CBFA2T3: variants seen among roughly 807,000 people sequenced by gnomAD.
CBFA2T3 encodes CBFA2/RUNX1 partner transcriptional co-repressor 3.
A neutral mutation model predicts 58.6 loss-of-function variants in CBFA2T3; 31 were observed. The ratio of observed to expected loss-of-function variants is 0.53; its 90% CI spans 0.40 to 0.71. The LOEUF (loss-of-function observed/expected upper bound fraction) is 0.71. CBFA2T3 is among the 30% of genes least tolerant of loss of function. The probability of loss-of-function intolerance (pLI) is 0.00; values close to 1 mark genes in which losing one functional copy is unlikely to be tolerated. For synonymous variants in CBFA2T3, 531 were observed against 421.9 expected, an observed-to-expected ratio of 1.26 and a Z score of -3.17; for missense variants, 1,076 against 963.1, an observed-to-expected ratio of 1.12 and a Z score of -1.55.
intron 1 of CBFA2T3, among the ~76,000 whole-genome samples, chr16:88,972,688 G>T (rs771338536): frequency 6.6e-6 from 1 of 152,228 alleles, no homozygotes; most frequent in African/African-American, 2.4e-5. Context: ...AGGGTCAGCA[G>T]AGCCTGCTGT....
intron 1 of CBFA2T3, among the ~76,000 whole-genome samples, chr16:88,961,766 G>A (rs1432308172): frequency 3.4e-4 from 28 of 83,062 alleles, no homozygotes; most frequent in Admixed American, 2.3e-3. Context: ...GACACTCAGC[G>A]CTGGGCATTC....
chr16:88,960,368 G>C (rs1419896099), intron 1 of CBFA2T3, among the ~76,000 whole-genome samples: 1 of 152,242 alleles, frequency 6.6e-6, no homozygotes, highest in Non-Finnish European at 1.5e-5. Context: ...GAGGCTGTTT[G>C]AAGATAGCAG....
intron 2 of CBFA2T3, among the ~76,000 whole-genome samples, chr16:88,899,111 G>A (rs1199714655): frequency 7.4e-6 from 1 of 134,636 alleles, no homozygotes; most frequent in Non-Finnish European, 1.5e-5. Flanking sequence ...ACTCCAAGAT[G>A]AATTTGCGCC....
chr16:88,967,773 C>T (rs895054244), intron 1 of CBFA2T3, among the ~76,000 whole-genome samples: 1 of 152,192 alleles, frequency 6.6e-6, no homozygotes, highest in Non-Finnish European at 1.5e-5. Flanking sequence ...GGGGGCTCGT[C>T]GCGGCTCAGC....
rs377163386 is a variant in CBFA2T3 at position 88,885,076 on chromosome 16, G to C, written c.1087C>G (p.Arg363Gly). The change falls in exon 7 of 12, where the codon CGG becomes GGG. Residue 363 changes from arginine (R) to glycine (G), a missense_variant. Physicochemically the swap from Arg to Gly is moderately radical, Grantham distance 125 (BLOSUM62 -2). Transcript: ENST00000268679. This position sits in a 1 kb window ranked among gnomAD's most constrained non-coding sequence, Gnocchi z 5.3. ...FRDAYRHPDP[R>G]ELRERHRPLV... ...GGCCGATGGCGCTCTCGTAGCTCCC[G>C]GGGGTCTGGGTGGCGGTAGGCATCT... 40 of 1,601,074 alleles carry C rather than the reference G, an allele frequency of 2.5e-5. No homozygotes were observed. The highest frequency in any genetic ancestry group is 3.4e-5 in the Non-Finnish European group (40 of 1,177,426).
chr16:88,891,918 G>C lies in CBFA2T3; in HGVS notation c.675C>G (p.Asn225Lys). 6.2e-7 allele frequency: 1 copy of C among 1,613,442 alleles called. No individual in the cohort carries two copies. The highest frequency in any genetic ancestry group is 8.5e-7 in the Non-Finnish European group (1 of 1,179,862). ...GAATGACAAACGGCCGCAGAGGGAAGTTGGTGGCCTCCTGAAGCTTGGAAT... is the reference window on the plus strand; with the variant it reads ...GAATGACAAACGGCCGCAGAGGGAACTTGGTGGCCTCCTGAAGCTTGGAAT... ...EFHSKLQEAT[N>K]FPLRPFVIPF... Residue 225 changes from asparagine to lysine, a missense_variant, in exon 5 of 12, where the codon AAC becomes AAG. Asn to Lys is a moderately conservative substitution (Grantham distance 94). Transcript: ENST00000268679.
At chr16:88,968,908 T>C (rs911996010) in intron 1 of CBFA2T3, among the ~76,000 whole-genome samples, 4 of 152,082 alleles carry the variant, frequency 2.6e-5, no homozygotes, top group African/African-American at 9.7e-5. Context: ...CCATGGACCA[T>C]AACCCCTCTG....
intron 1 of CBFA2T3, among the ~76,000 whole-genome samples, chr16:88,916,035 C>T (rs1338052363): frequency 6.6e-6 from 1 of 151,874 alleles, no homozygotes; most frequent in Non-Finnish European, 1.5e-5. Flanking sequence ...TATATGTGTG[C>T]ACTCGTGTAC....
intron 11 of CBFA2T3, among the ~76,000 whole-genome samples, chr16:88,877,744 C>T (rs1388123877): frequency 1.3e-5 from 2 of 152,194 alleles, no homozygotes; most frequent in African/African-American, 2.4e-5. Context: ...GCTCTGCTCC[C>T]TTCCCGTAGG....
chr16:88,893,664 G>A (rs973783281), intron 3 of CBFA2T3, among the ~76,000 whole-genome samples: 3 of 152,226 alleles, frequency 2.0e-5, no homozygotes, highest in African/African-American at 4.8e-5. Context: ...CTGCAGGGCC[G>A]CCTGTTGGCC....
At position 88,892,299 on chromosome 16, in the gene CBFA2T3, C is replaced by G. The variant is rs761453089; in HGVS notation, c.566G>C (p.Ser189Thr). 7 of 1,612,702 alleles carry G rather than the reference C, an allele frequency of 4.3e-6. No individual in the cohort carries two copies. In the Admixed American group the frequency reaches 1.2e-4, roughly 27 times the overall value. Reference protein sequence around the residue: ...RFLTTLQQFGSDISPEIGERV... With the variant: ...RFLTTLQQFGTDISPEIGERV... Reference sequence around the variant, plus strand: ...CTCCCCAATCTCTGGGGAGATGTCGCTGCCAAACTGCTGCAGTGTGGTGAG... The same window carrying G: ...CTCCCCAATCTCTGGGGAGATGTCGGTGCCAAACTGCTGCAGTGTGGTGAG... Residue 189 changes from serine to threonine, a missense_variant, in exon 4 of 12, where the codon AGC becomes ACC. Coordinates refer to ENST00000268679, the MANE Select transcript of CBFA2T3 (RefSeq NM_005187.6).
At chr16:88,887,409 GCT>G (rs1047638960) in intron 5 of CBFA2T3, among the ~76,000 whole-genome samples, 6 of 152,126 alleles carry the variant, frequency 3.9e-5, no homozygotes, top group African/African-American at 1.4e-4. Flanking sequence ...CCGGCTGGTC[GCT>G]GTTAGGGCGG....
chr16:88,892,895 G>T (rs1039229943), intron 3 of CBFA2T3, among the ~76,000 whole-genome samples: 5 of 152,166 alleles, frequency 3.3e-5, no homozygotes, highest in Admixed American at 1.3e-4. Context: ...GACTTGCTCT[G>T]GGGCTGAAGT....
intron 1 of CBFA2T3, among the ~76,000 whole-genome samples, chr16:88,917,838 G>C (rs543871005): frequency 6.4e-4 from 97 of 152,356 alleles, no homozygotes; most frequent in African/African-American, 2.2e-3. Context: ...ACGAGAGTGT[G>C]GGTGTGGACG....
chr16:88,976,839 G>A lies in CBFA2T3; in HGVS notation c.-32C>T. ...GGCCACCCTCAGGGGCCAACCTGGA[G>A]CCCAGGACAGGCCTCTACCAGGACT... On this transcript the variant is annotated 5_prime_UTR_variant, in exon 1 of 12. Transcript: ENST00000268679. 1.3e-6 allele frequency: 2 copies of A among 1,535,566 alleles called. No individual in the cohort carries two copies. Among genetic ancestry groups the A allele is most frequent in the Non-Finnish European group, 1.8e-6 (2 of 1,134,854 alleles).
chr16:88,954,379 CACCCAAGACTCCTGACCCT>C lies in CBFA2T3; in HGVS notation c.151+22259_151+22277del, dbSNP rs1175048015. ...TGACCTCACCCAAGGCTCCTGACCC[CACCCAAGACTCCTGACCCT>C]ACCCAAGACTCCTGACCCCACCCAA... On this transcript the variant is annotated intron_variant, in intron 1 of 11. Transcript: ENST00000268679. Among the ~76,000 whole-genome samples the C allele has an allele frequency of 2.7e-4, 37 of 139,442 alleles. 1 individual carries two copies. The highest frequency in any genetic ancestry group is 5.6e-4 in the African/African-American group (19 of 33,720). The allele number at this position is 139,442 out of a possible 152,430, so 91.5% of individuals were successfully genotyped here. A position where few individuals can be genotyped will look rare whatever the true frequency, so the allele number is the denominator to read the frequency against.
chr16:88,886,476 G>A (rs1969381427), intron 5 of CBFA2T3: 4 of 244,804 alleles, frequency 1.6e-5, no homozygotes, highest in Non-Finnish European at 2.4e-5. Flanking sequence ...TGGAGAAGGC[G>A]AGAGGACGAA....
At chr16:88,882,164 C>T (rs1969112179) in intron 8 of CBFA2T3, among the ~76,000 whole-genome samples, 1 of 152,242 alleles carries the variant, frequency 6.6e-6, no homozygotes, top group Non-Finnish European at 1.5e-5. Context: ...CCAGCCGCTG[C>T]GCAGGGACGG....
intron 1 of CBFA2T3, among the ~76,000 whole-genome samples, chr16:88,921,243 A>C (rs770352524): frequency 3.3e-5 from 5 of 152,262 alleles, no homozygotes; most frequent in African/African-American, 1.2e-4. Flanking sequence ...TTCCTGCCTC[A>C]ATTAAAAACA....
Sources: gnomAD v4.1 joint callset for allele counts (sites outside exome capture counted in the v4.1 genomes callset) on GRCh38, gnomAD v4.1.1 for gene constraint, Gnocchi (gnomAD v3.1) non-coding constraint, MANE v1.5 for transcripts, NCBI Gene and HGNC (gene_info 2026-07-23, HGNC 2026-07-21) for gene names.